Variants in SAMSN1 observed in about 807,000 individuals in gnomAD.
SAMSN1 encodes the protein SAM domain-containing protein SAMSN-1.
SAMSN1 carries 31 observed loss-of-function variants against 42.0 expected under a neutral mutation model. The ratio of observed to expected loss-of-function variants is 0.74; its 90% confidence interval spans 0.55 to 1.00. The LOEUF is 1.00. SAMSN1 is among the 50% of genes least tolerant of loss of function. SAMSN1 has a pLI of 0.00. For synonymous variants in SAMSN1, 178 were observed against 151.9 expected, an observed-to-expected ratio of 1.17 and a Z score of -1.26; for missense variants, 464 against 439.4, an observed-to-expected ratio of 1.06 and a Z score of -0.50.
At chr21:14,559,736 C>A (rs1391606140) in intron 2 of SAMSN1, among the ~76,000 whole-genome samples, 2 of 151,894 alleles carry the variant, frequency 1.3e-5, no homozygotes, top group African/African-American at 4.8e-5. Flanking sequence ...GAACTCCGGG[C>A]CTCAATTTAT....
intron 1 of SAMSN1, among the ~76,000 whole-genome samples, chr21:14,529,348 C>T (rs1211012621): frequency 2.0e-5 from 3 of 152,170 alleles, no homozygotes; most frequent in Non-Finnish European, 4.4e-5. Flanking sequence ...ATCCTACAGT[C>T]GTGAGACTTG....
chr21:14,505,948 C>T (rs1177998075), intron 5 of SAMSN1, among the ~76,000 whole-genome samples: 2 of 151,956 alleles, frequency 1.3e-5, no homozygotes, highest in Admixed American at 6.6e-5. Flanking sequence ...CAAAAGGAAC[C>T]TTCAAAACCA....
intron 2 of SAMSN1, among the ~76,000 whole-genome samples, chr21:14,556,384 A>G (rs1980762205): frequency 6.6e-6 from 1 of 152,204 alleles, no homozygotes; most frequent in South Asian, 2.1e-4. Flanking sequence ...ATAGAAAATA[A>G]TTACGGTGGA....
chr21:14,525,922 T>C (rs868765868), intron 1 of SAMSN1, among the ~76,000 whole-genome samples: 1 of 152,206 alleles, frequency 6.6e-6, no homozygotes, highest in Non-Finnish European at 1.5e-5. Context: ...TGGAGTGCAG[T>C]GGCTCCATCT....
At chr21:14,597,442 T>C (rs1046330597) in intron 6 of SAMSN1, among the ~76,000 whole-genome samples, 5 of 152,264 alleles carry the variant, frequency 3.3e-5, no homozygotes, top group East Asian at 3.9e-4. Flanking sequence ...AAGGACTAAA[T>C]GACTAACTCT....
intron 3 of SAMSN1, among the ~76,000 whole-genome samples, chr21:14,515,072 A>C (rs1367670230): frequency 6.6e-6 from 1 of 152,208 alleles, no homozygotes; most frequent in African/African-American, 2.4e-5. Flanking sequence ...CTAGTCAAAA[A>C]AAAACAAGAA....
intron 7 of SAMSN1, among the ~76,000 whole-genome samples, chr21:14,489,389 AAC>A (rs1986580454): frequency 7.7e-6 from 1 of 129,624 alleles, no homozygotes; most frequent in Non-Finnish European, 1.5e-5. Context: ...ATTATATGAA[AAC>A]ACACATACGC....
intron 1 of SAMSN1, among the ~76,000 whole-genome samples, chr21:14,539,083 G>C (rs1332361606): frequency 6.6e-6 from 1 of 152,076 alleles, no homozygotes; most frequent in Non-Finnish European, 1.5e-5. Flanking sequence ...CTTTAACCTG[G>C]ACCAAGTTCT....
At chr21:14,621,000 T>G (rs1023007278) in intron 2 of SAMSN1, among the ~76,000 whole-genome samples, 1 of 152,242 alleles carries the variant, frequency 6.6e-6, no homozygotes, top group African/African-American at 2.4e-5. Context: ...TAAAATACAG[T>G]GATTCCAAAA....
At chr21:14,487,421 C>T (rs1469517473) in intron 7 of SAMSN1, among the ~76,000 whole-genome samples, 1 of 151,748 alleles carries the variant, frequency 6.6e-6, no homozygotes, top group Non-Finnish European at 1.5e-5. Flanking sequence ...AGTTTATGAT[C>T]CACTGTGTGT....
At chr21:14,614,842 T>A (rs1238537461) in intron 3 of SAMSN1, among the ~76,000 whole-genome samples, 1 of 152,132 alleles carries the variant, frequency 6.6e-6, no homozygotes, top group African/African-American at 2.4e-5. Context: ...ATTAAGGAAC[T>A]CAAAGGAGTC....
upstream of SAMSN1, chr21:14,583,513 A>G: frequency 1.7e-6 from 1 of 591,042 alleles, no homozygotes; most frequent in East Asian, 2.9e-5. Flanking sequence ...TGTCTGTTTT[A>G]AAATAACTTG....
At chr21:14,640,508 C>T (rs768516594) in intron 2 of SAMSN1, among the ~76,000 whole-genome samples, 2 of 151,990 alleles carry the variant, frequency 1.3e-5, no homozygotes, top group Non-Finnish European at 2.9e-5. Flanking sequence ...TGGTCCGAAA[C>T]TTTTTTTCCT....
At chr21:14,488,520 C>T (rs1304087639) in intron 7 of SAMSN1, among the ~76,000 whole-genome samples, 1 of 152,144 alleles carries the variant, frequency 6.6e-6, no homozygotes, top group African/African-American at 2.4e-5. Context: ...AGCCTCTGTG[C>T]ATTCACCTCA....
intron 7 of SAMSN1, chr21:14,593,944 G>A: frequency 1.4e-6 from 1 of 707,254 alleles, no homozygotes; most frequent in Middle Eastern, 2.3e-4. Context: ...AGTGCTTGTG[G>A]CATTAAAATG....
At chr21:14,572,952 A>G (rs538119954) in intron 2 of SAMSN1, among the ~76,000 whole-genome samples, 2 of 152,336 alleles carry the variant, frequency 1.3e-5, no homozygotes, top group South Asian at 4.1e-4. Context: ...TCAGATTTCT[A>G]CATATAAAAT....
Position 14,597,267 on chromosome 21 carries a change from C to T in SAMSN1, c.400-3189G>A, listed in dbSNP as rs560537906. Among the ~76,000 whole-genome samples, 21 of 152,154 alleles carry T rather than the reference C, an allele frequency of 1.4e-4. 1 individual carries two copies. In the South Asian group the frequency reaches 2.3e-3, roughly 17 times the overall value. ...TTAAATTATTTCTCCAGTGACCCAG[C>T]GTTGTGACCTCAGTTAAGCTCATGA... On this transcript the variant is annotated intron_variant, in intron 6 of 15. Coordinates refer to the SAMSN1 transcript ENST00000647101.
chr21:14,622,278 C>T (rs990234803), intron 2 of SAMSN1, among the ~76,000 whole-genome samples: 1 of 152,238 alleles, frequency 6.6e-6, no homozygotes, highest in Non-Finnish European at 1.5e-5. Flanking sequence ...TGGACAATGA[C>T]TTTGACAAGT....
At chr21:14,605,990 C>G (rs186241193) in intron 5 of SAMSN1, among the ~76,000 whole-genome samples, 1 of 151,712 alleles carries the variant, frequency 6.6e-6, no homozygotes, top group Non-Finnish European at 1.5e-5. Context: ...TACAGGCGCC[C>G]GCCACCACGC....
Sources: gnomAD v4.1 joint callset for allele counts (sites outside exome capture counted in the v4.1 genomes callset) on GRCh38, gnomAD v4.1.1 for gene constraint, MANE v1.5 for transcripts, NCBI Gene and HGNC (gene_info 2026-07-23, HGNC 2026-07-21) for gene names.